Variants in CHST8 observed in about 807,000 individuals in gnomAD.
The protein encoded by CHST8 is carbohydrate sulfotransferase 8, also known as GALNAC-4-ST1.
CHST8 carries 10 observed loss-of-function variants against 15.0 expected under a neutral mutation model. The observed-to-expected ratio is 0.67, with a 90% confidence interval of 0.41 to 1.13. The LOEUF is 1.13. Ranked by LOEUF, CHST8 falls within the 50% of genes most tolerant of loss-of-function variation. The pLI, the probability that CHST8 is intolerant of heterozygous loss-of-function variation, is 0.00. For synonymous variants in CHST8, 259 were observed against 256.6 expected (o/e 1.01, Z -0.09); for missense variants, 634 against 608.2 (o/e 1.04, Z -0.45).
intron 3 of CHST8, among the ~76,000 whole-genome samples, chr19:33,712,322 A>T (rs1973569213): frequency 6.6e-6 from 1 of 152,132 alleles, no homozygotes; most frequent in Non-Finnish European, 1.5e-5. Flanking sequence ...ATTTGTTATT[A>T]TGCCCAAGCC....
chr19:33,708,509 G>A (rs1222164840), intron 3 of CHST8, among the ~76,000 whole-genome samples: 3 of 152,110 alleles, frequency 2.0e-5, no homozygotes, highest in South Asian at 2.1e-4. Context: ...AATTGCCTTC[G>A]CACCTTGGTC....
At chr19:33,752,559 G>A (rs10407562) in intron 3 of CHST8, among the ~76,000 whole-genome samples, 12,473 of 152,118 alleles carry the variant, frequency 0.082, 1,610 homozygotes, top group African/African-American at 0.28. Context: ...GACAGCTGTC[G>A]GTTTTAGGCA....
chr19:33,711,871 G>C (rs1412035773), intron 3 of CHST8, among the ~76,000 whole-genome samples: 1 of 151,884 alleles, frequency 6.6e-6, no homozygotes, highest in Non-Finnish European at 1.5e-5. Flanking sequence ...GACCTCAAAT[G>C]ATCTGCCTGC....
intron 3 of CHST8, among the ~76,000 whole-genome samples, chr19:33,719,917 A>C (rs370021359): frequency 6.6e-6 from 1 of 152,090 alleles, no homozygotes; most frequent in East Asian, 1.9e-4. Flanking sequence ...GCAGCCACAC[A>C]CTCAGTGTGT....
At chr19:33,645,139 C>T (rs1972334813) in intron 1 of CHST8, among the ~76,000 whole-genome samples, 1 of 152,052 alleles carries the variant, frequency 6.6e-6, no homozygotes, top group South Asian at 2.1e-4. Context: ...AAATTCTGAC[C>T]TGGGTGAAGA....
At chr19:33,660,419 G>A (rs542615613) in intron 1 of CHST8, among the ~76,000 whole-genome samples, 2 of 152,260 alleles carry the variant, frequency 1.3e-5, no homozygotes, top group South Asian at 4.1e-4. Flanking sequence ...AGAGCTGGTG[G>A]TGCTCATGAG....
intron 3 of CHST8, among the ~76,000 whole-genome samples, chr19:33,733,172 A>G (rs992054251): frequency 6.6e-6 from 1 of 152,056 alleles, no homozygotes; most frequent in Non-Finnish European, 1.5e-5. Context: ...ATCACTGTGG[A>G]AATTCCAAGG....
chr19:33,716,333 T>C (rs1430894914), intron 3 of CHST8, among the ~76,000 whole-genome samples: 1 of 152,186 alleles, frequency 6.6e-6, no homozygotes, highest in South Asian at 2.1e-4. Flanking sequence ...TAGTTACCCA[T>C]TCATAGTTGA....
chr19:33,772,689 C>G lies in CHST8; in HGVS notation c.901C>G (p.Arg301Gly). Residue 301 changes from arginine (R) to glycine (G), a missense_variant, in exon 5 of 5, where the codon CGG (arginine) becomes GGG (glycine). By Grantham distance (125) the Arg-to-Gly change is moderately radical. Transcript: ENST00000650847. Reference sequence around the variant, plus strand: ...CGCCAATGCCTCTCGGGAGGCCCTGCGGACCGGCTCTGGGGTGCGTTTTCC... The same window carrying G: ...CGCCAATGCCTCTCGGGAGGCCCTGGGGACCGGCTCTGGGGTGCGTTTTCC... ...YRANASREAL[R>G]TGSGVRFPEF... 6.2e-7 allele frequency: 1 copy of G among 1,613,632 alleles called. No individual in the cohort carries two copies. The highest frequency in any genetic ancestry group is 8.5e-7 in the Non-Finnish European group (1 of 1,180,020).
chr19:33,690,278 T>C (rs1459664744), intron 3 of CHST8, among the ~76,000 whole-genome samples: 2 of 152,078 alleles, frequency 1.3e-5, no homozygotes, highest in African/African-American at 4.8e-5. Flanking sequence ...CCACTCACTC[T>C]CTCTTGCTTG....
At position 33,670,769 on chromosome 19, in the gene CHST8, G is replaced by A. The variant is rs559080593; in HGVS notation, c.-87+2926G>A. On this transcript the variant is annotated intron_variant, in intron 2 of 4. Transcript: ENST00000650847. ...GGTTGATGGAATTGTCGGAGAGAGA[G>A]CATGTCGGGGGGCTCTGTTCATCTC... Among the ~76,000 whole-genome samples the A allele has an allele frequency of 1.4e-4, 21 of 152,310 alleles. No homozygotes were observed. The South Asian group carries it at 4.1e-3, about 30-fold the overall frequency.
intron 1 of CHST8, among the ~76,000 whole-genome samples, chr19:33,666,302 T>G (rs895567463): frequency 2.6e-5 from 4 of 152,180 alleles, no homozygotes; most frequent in Non-Finnish European, 5.9e-5. Context: ...TGTGTGTGTG[T>G]GTGGACCCTG....
intron 2 of CHST8, among the ~76,000 whole-genome samples, chr19:33,677,773 G>A (rs1044492960): frequency 6.6e-6 from 1 of 152,206 alleles, no homozygotes; most frequent in Non-Finnish European, 1.5e-5. Flanking sequence ...GATAAAAGCC[G>A]TTAGTCTCTG....
At chr19:33,625,918 G>A (rs184702753) in intron 1 of CHST8, among the ~76,000 whole-genome samples, 1 of 152,234 alleles carries the variant, frequency 6.6e-6, no homozygotes, top group Non-Finnish European at 1.5e-5. Flanking sequence ...TGGCATCAGT[G>A]TCCTGCAACC....
At chr19:33,668,828 A>AAGAGT (rs1972697239) in intron 2 of CHST8, among the ~76,000 whole-genome samples, 1 of 151,778 alleles carries the variant, frequency 6.6e-6, no homozygotes, top group African/African-American at 2.4e-5. Flanking sequence ...GGATATATGG[A>AAGAGT]CTCTCGTGCG....
At chr19:33,753,360 C>A (rs867761302) in intron 3 of CHST8, among the ~76,000 whole-genome samples, 9 of 150,876 alleles carry the variant, frequency 6.0e-5, no homozygotes, top group Middle Eastern at 3.4e-3. Flanking sequence ...ACCTATTATC[C>A]TCCCACCCAC....
chr19:33,706,351 T>G (rs146224215), intron 3 of CHST8, among the ~76,000 whole-genome samples: 1 of 152,284 alleles, frequency 6.6e-6, no homozygotes, highest in East Asian at 1.9e-4. Context: ...TGTGTGTGCA[T>G]GTGTGTGTGC....
At chr19:33,749,465 A>C (rs1974374266) in intron 3 of CHST8, among the ~76,000 whole-genome samples, 1 of 78,854 alleles carries the variant, frequency 1.3e-5, no homozygotes, top group African/African-American at 5.0e-5. Flanking sequence ...TCCCCCCACC[A>C]ACCAACCACC....
intron 3 of CHST8, among the ~76,000 whole-genome samples, chr19:33,763,829 C>G (rs1181061792): frequency 6.6e-6 from 1 of 152,250 alleles, no homozygotes; most frequent in Admixed American, 6.5e-5. Flanking sequence ...TCCCTCAGCC[C>G]TGGGGCAGTG....
Sources: allele counts gnomAD v4.1 joint callset (sites outside exome capture counted in the v4.1 genomes callset), GRCh38; gene constraint gnomAD v4.1.1; transcripts MANE v1.5; gene names NCBI Gene and HGNC (gene_info 2026-07-23, HGNC 2026-07-21).